SH3BP4: variants seen among roughly 807,000 people sequenced by gnomAD.
The protein encoded by SH3BP4 is SH3 domain binding protein 4, also known as SH3 domain-binding protein 4.
Under a neutral mutation model 65.5 loss-of-function variants are expected in SH3BP4, and 33 were observed. The ratio of observed to expected loss-of-function variants is 0.50; its 90% CI spans 0.38 to 0.67. SH3BP4 has a LOEUF of 0.67. Ranked by LOEUF, SH3BP4 falls within the 30% of genes least tolerant of loss-of-function variation. The pLI is 0.00. For synonymous variants in SH3BP4, 552 were observed against 545.5 expected (o/e 1.01, Z -0.17); for missense variants, 1,134 against 1,261.4 (o/e 0.90, Z 1.53).
intron 4 of SH3BP4, among the ~76,000 whole-genome samples, chr2:235,050,759 G>A (rs1264345257): frequency 3.3e-5 from 5 of 151,972 alleles, no homozygotes; most frequent in African/African-American, 1.2e-4. Flanking sequence ...CCAGCCGACC[G>A]CATGAGCACT....
At chr2:234,972,551 C>T (rs974983691) in intron 1 of SH3BP4, among the ~76,000 whole-genome samples, 1 of 151,600 alleles carries the variant, frequency 6.6e-6, no homozygotes. Flanking sequence ...ATAGTGAAAC[C>T]CTGTCTCTAC....
chr2:235,007,831 C>T (rs1237573278), intron 2 of SH3BP4, among the ~76,000 whole-genome samples: 1 of 152,110 alleles, frequency 6.6e-6, no homozygotes, highest in Non-Finnish European at 1.5e-5. Context: ...AGCAGAGATG[C>T]CCCTAGCCAT....
At chr2:234,984,357 A>G (rs1693480169) in intron 1 of SH3BP4, among the ~76,000 whole-genome samples, 1 of 150,170 alleles carries the variant, frequency 6.7e-6, no homozygotes, top group Non-Finnish European at 1.5e-5. Flanking sequence ...ACACATCACC[A>G]TGCCTGGCTA....
rs1225693096 is a variant in SH3BP4, at chr2:235,042,840, G to A, written c.2071G>A (p.Val691Ile). Residue 691 changes from valine to isoleucine, a missense_variant, in exon 4 of 6, where the codon GTC becomes ATC. Val to Ile is a conservative substitution (Grantham distance 29). Coordinates refer to ENST00000392011, the MANE Select transcript of SH3BP4 (RefSeq NM_014521.3). The surrounding 1 kb of genome is among the most constrained non-coding windows in gnomAD (Gnocchi z 7.3). ...GATCGCCCTGCTCAGCGAGGAGCGG[G>A]TCAGGCTCCGGGGCCAGCTGTGGAC... is the stretch of plus-strand genomic sequence containing the variant. ...DGIALLSEER[V>I]RLRGQLWTKE... The A allele has an allele frequency of 3.1e-6, 5 of 1,613,822 alleles. No homozygotes were observed. The highest frequency in any genetic ancestry group is 8.5e-7 in the Non-Finnish European group (1 of 1,180,040).
At position 235,053,647 on chromosome 2, in the gene SH3BP4, A is replaced by C; in HGVS notation, c.2723A>C (p.Asp908Ala). 1 of 1,614,042 alleles carries C rather than the reference A, an allele frequency of 6.2e-7. No individual in the cohort carries two copies. The highest frequency in any genetic ancestry group is 8.5e-7 in the Non-Finnish European group (1 of 1,179,988). The change falls in exon 6 of 6, where the codon GAC becomes GCC. Residue 908 changes from aspartate to alanine, a missense_variant. By Grantham distance (126) the Asp-to-Ala change is moderately radical. Coordinates refer to ENST00000392011, the MANE Select transcript of SH3BP4 (RefSeq NM_014521.3). ...FLLTWSHQIG[D>A]SYRDVIQELH... ...CTCACCTGGAGCCATCAGATCGGGG[A>C]CAGCTACCGGGATGTCATCCAGGAG...
Position 234,964,189 on chromosome 2 carries a change from C to T in SH3BP4, c.-207+12019C>T, listed in dbSNP as rs1011143220. Among the ~76,000 whole-genome samples, 5 of 152,124 alleles carry T rather than the reference C, an allele frequency of 3.3e-5. 1 individual carries two copies. The highest frequency in any genetic ancestry group is 3.3e-4 in the Admixed American group (5 of 15,278). On this transcript the variant is annotated intron_variant, in intron 1 of 5. Coordinates refer to ENST00000392011, the MANE Select transcript of SH3BP4 (RefSeq NM_014521.3). ...GGACTGGCCAGCATTCCCAGCACGC[C>T]CCAGGGGCTGCTTAGAAGCAGGAAA...
chr2:235,010,770 G>GGAGAACCTTTCCTCCCTCTCCT lies in SH3BP4; in HGVS notation c.-133+15394_-133+15395insGAGAACCTTTCCTCCCTCTCCT, dbSNP rs1559242814. Among the ~76,000 whole-genome samples the GGAGAACCTTTCCTCCCTCTCCT allele has an allele frequency of 2.4e-3, 102 of 43,296 alleles. 26 individuals are homozygous for GGAGAACCTTTCCTCCCTCTCCT. The highest frequency in any genetic ancestry group is 0.011 in the Admixed American group (37 of 3,378). 28.4% of individuals were successfully genotyped at this position (43,296 alleles called of 152,430 possible). A position where few individuals can be genotyped will look rare whatever the true frequency, so the allele number is the denominator to read the frequency against. On this transcript the variant is annotated intron_variant, in intron 2 of 5. Coordinates refer to ENST00000392011, the MANE Select transcript of SH3BP4 (RefSeq NM_014521.3). Reference sequence around the variant, plus strand: ...GGACAACCCTTCCTCCCTCTCCTAGGAGAACCCTTCCTCCCTCTCCTAGGA... The same window carrying GGAGAACCTTTCCTCCCTCTCCT: ...GGACAACCCTTCCTCCCTCTCCTAGGGAGAACCTTTCCTCCCTCTCCTAGAACCCTTCCTCCCTCTCCTAGGA...
In SH3BP4 at chr2:235,030,305, G is replaced by C. The variant is rs1018477922; in HGVS notation, c.-132-4566G>C. Among the ~76,000 whole-genome samples the C allele has an allele frequency of 1.8e-4, 27 of 152,276 alleles. No individual in the cohort carries two copies. The highest frequency in any genetic ancestry group is 3.5e-4 in the Non-Finnish European group (24 of 68,008). On this transcript the variant is annotated intron_variant, in intron 2 of 5. Transcript: ENST00000392011. The surrounding 1 kb of genome is among the most constrained non-coding windows in gnomAD (Gnocchi z 4.1). ...GGGAAGAAATAGTTAGCAAGACTGG[G>C]AGCAGAGAGTGTTTTGTCAGGCTCA...
In SH3BP4 at chr2:235,055,189, G is replaced by C. The variant is rs138754987; in HGVS notation, c.*1373G>C. On this transcript the variant is annotated 3_prime_UTR_variant, in exon 6 of 6. Coordinates refer to ENST00000392011, the MANE Select transcript of SH3BP4 (RefSeq NM_014521.3). ...GTAGAGTGAGGTGATCCTTAGCAAC[G>C]TGCCAGGACACTTCCTGTGTGCCTG... The C allele has an allele frequency of 1.3e-5, 2 of 152,200 alleles. No individual in the cohort carries two copies. Among genetic ancestry groups the C allele is most frequent in the African/African-American group, 4.8e-5 (2 of 41,420 alleles). The allele number at this position is 152,200 out of a possible 1,614,324, so 9.4% of individuals were successfully genotyped here.
At position 235,042,349 on chromosome 2, in the gene SH3BP4, A is replaced by G. The variant is rs760149295; in HGVS notation, c.1580A>G (p.His527Arg). The stretch of plus-strand genomic sequence containing the variant: ...GTGGCCCTGCAGCTGTGGGGGAAGC[A>G]CCAGTTCGTTTTGTCCAGGCCCCAG... ...APVALQLWGK[H>R]QFVLSRPQDL... The change falls in exon 4 of 6, where the codon CAC (histidine) becomes CGC (arginine). Residue 527 changes from histidine to arginine, a missense_variant. Transcript: ENST00000392011. The surrounding 1 kb of genome is among the most constrained non-coding windows in gnomAD (Gnocchi z 7.3). 1 of 1,614,132 alleles carries G rather than the reference A, an allele frequency of 6.2e-7. No individual in the cohort carries two copies. The highest frequency in any genetic ancestry group is 1.7e-5 in the Admixed American group (1 of 60,016).
chr2:235,053,065 C>G (rs1319836144), intron 5 of SH3BP4, among the ~76,000 whole-genome samples: 1 of 152,222 alleles, frequency 6.6e-6, no homozygotes, highest in Non-Finnish European at 1.5e-5. Flanking sequence ...TGCAATAACA[C>G]ATACACAGAG....
In SH3BP4 at chr2:235,046,929, T is replaced by G. The variant is rs1695880105; in HGVS notation, c.2478+3682T>G. Reference sequence around the variant, plus strand: ...GCATCCCCGTACCTCTGCCTGCCCCTTCCCAGCAGCATGGCTGTGGCTGCA... The same window carrying G: ...GCATCCCCGTACCTCTGCCTGCCCCGTCCCAGCAGCATGGCTGTGGCTGCA... On this transcript the variant is annotated intron_variant, in intron 4 of 5. Transcript: ENST00000392011. The surrounding 1 kb of genome is among the most constrained non-coding windows in gnomAD (Gnocchi z 4.2). 6.6e-6 allele frequency among the ~76,000 whole-genome samples: 1 copy of G among 152,164 alleles called. No individual in the cohort carries two copies. Among genetic ancestry groups the G allele is most frequent in the Non-Finnish European group, 1.5e-5 (1 of 68,010 alleles).
At chr2:235,050,274 C>A (rs1696006877) in intron 4 of SH3BP4, among the ~76,000 whole-genome samples, 1 of 152,120 alleles carries the variant, frequency 6.6e-6, no homozygotes, top group Non-Finnish European at 1.5e-5. Flanking sequence ...CGCCACCACA[C>A]CCGGCTAATT....
intron 2 of SH3BP4, among the ~76,000 whole-genome samples, chr2:235,002,923 C>T (rs540475602): frequency 9.2e-5 from 14 of 152,292 alleles, no homozygotes; most frequent in Admixed American, 5.2e-4. Context: ...AGGGAGGGCC[C>T]GGATGAACCT....
rs1242872023 is a variant in SH3BP4 at position 235,052,716 on chromosome 2, C to T, written c.2633C>T (p.Pro878Leu). ...CAGCAGATGGACGCCTACGAGTCTC[C>T]CCACCGGGACAGGAACGGGGTTGTG... ...SKQQMDAYES[P>L]HRDRNGVVDS... Residue 878 changes from proline to leucine, a missense_variant, in exon 5 of 6, where the codon CCC (proline) becomes CTC (leucine). By Grantham distance (98) the Pro-to-Leu change is moderately conservative (BLOSUM62 -3). Transcript: ENST00000392011. This position sits in a 1 kb window ranked among gnomAD's most constrained non-coding sequence, Gnocchi z 5.0. The T allele has an allele frequency of 6.2e-7, 1 of 1,604,892 alleles. No homozygotes were observed. The highest frequency in any genetic ancestry group is 8.5e-7 in the Non-Finnish European group (1 of 1,176,448).
intron 3 of SH3BP4, among the ~76,000 whole-genome samples, chr2:235,040,669 G>A (rs544301257): frequency 4.0e-5 from 6 of 151,836 alleles, no homozygotes; most frequent in African/African-American, 1.4e-4. Context: ...TCTTTCTGCC[G>A]GACATAGGCT....
intron 2 of SH3BP4, among the ~76,000 whole-genome samples, chr2:235,015,499 CT>C (rs1199383486): frequency 2.0e-5 from 3 of 152,224 alleles, no homozygotes; most frequent in Non-Finnish European, 4.4e-5. Flanking sequence ...GATCATGTGA[CT>C]GATAACTGCA....
rs1422102437 is a variant in SH3BP4 at position 235,034,298 on chromosome 2, C to T, written c.-132-573C>T. Among the ~76,000 whole-genome samples the T allele has an allele frequency of 6.6e-6, 1 of 152,166 alleles. No individual in the cohort carries two copies. The highest frequency in any genetic ancestry group is 1.5e-5 in the Non-Finnish European group (1 of 68,024). The stretch of plus-strand genomic sequence containing the variant: ...ACGTTGCATTGAGAATACCTTATGG[C>T]CGCTCTGTGTTGTGTTTAGAATTGT... On this transcript the variant is annotated intron_variant, in intron 2 of 5. Coordinates refer to ENST00000392011, the MANE Select transcript of SH3BP4 (RefSeq NM_014521.3). This position sits in a 1 kb window ranked among gnomAD's most constrained non-coding sequence, Gnocchi z 6.2.
chr2:234,979,641 A>T (rs1693297142), intron 1 of SH3BP4: 2 of 152,256 alleles, frequency 1.3e-5, no homozygotes, highest in African/African-American at 4.8e-5. Flanking sequence ...GTGGGCTTAG[A>T]ACTTCTTCCT....
Sources: allele counts gnomAD v4.1 joint callset (sites outside exome capture counted in the v4.1 genomes callset), GRCh38; gene constraint gnomAD v4.1.1; non-coding constraint Gnocchi (gnomAD v3.1); transcripts MANE v1.5; gene names NCBI Gene and HGNC (gene_info 2026-07-23, HGNC 2026-07-21).